Variants in GABRG3 observed in about 807,000 individuals in gnomAD.
The protein encoded by GABRG3 is gamma-aminobutyric acid receptor subunit gamma-3.
GABRG3 carries 25 observed loss-of-function variants against 48.8 expected under a neutral mutation model. The ratio of observed to expected loss-of-function variants is 0.51; its 90% CI spans 0.37 to 0.72. GABRG3 has a LOEUF of 0.72. Among genes scored for constraint, GABRG3 ranks in the 30% least tolerant of loss-of-function variants. GABRG3 has a pLI of 0.00. For missense variants in GABRG3, 394 were observed against 577.9 expected (o/e 0.68, Z 3.26); for synonymous variants, 227 against 217.6 (o/e 1.04, Z -0.38).
At chr15:27,041,984 T>C (rs1172116464) in intron 3 of GABRG3, among the ~76,000 whole-genome samples, 2 of 152,294 alleles carry the variant, frequency 1.3e-5, no homozygotes, top group East Asian at 3.9e-4. Context: ...ACATTCCTGT[T>C]CTACGTGCAA....
chr15:27,078,284 G>A (rs1197342617), intron 3 of GABRG3, among the ~76,000 whole-genome samples: 4 of 151,644 alleles, frequency 2.6e-5, no homozygotes, highest in East Asian at 3.9e-4. Flanking sequence ...TCAGTCAGGT[G>A]CCAGATTTAT....
In GABRG3 at chr15:27,533,745, T is replaced by A. The variant is rs1891485842; in HGVS notation, c.*864T>A. ...TATATTATTATGGGTTCGGTAATTG[T>A]CATTTTGCAAAGAAAGGTATACAGT... On this transcript the variant is annotated 3_prime_UTR_variant, in exon 10 of 10. Transcript: ENST00000615808. The A allele has an allele frequency of 6.6e-6, 1 of 152,232 alleles. No individual in the cohort carries two copies. Among genetic ancestry groups the A allele is most frequent in the Admixed American group, 6.5e-5 (1 of 15,286 alleles). 9.4% of individuals were successfully genotyped at this position (152,232 alleles called of 1,614,324 possible).
chr15:26,982,858 C>T (rs1566899865), intron 2 of GABRG3, among the ~76,000 whole-genome samples: 2 of 152,150 alleles, frequency 1.3e-5, no homozygotes, highest in Non-Finnish European at 2.9e-5. Flanking sequence ...CTTTAACGTT[C>T]CACCATGATC....
At chr15:27,309,104 A>T (rs1035271839) in intron 3 of GABRG3, among the ~76,000 whole-genome samples, 1 of 151,068 alleles carries the variant, frequency 6.6e-6, no homozygotes, top group Admixed American at 6.6e-5. Context: ...GTAAACACAG[A>T]TGTTTATATA....
In GABRG3 at chr15:27,132,471, G is replaced by GGTTTTTT. The variant is rs778222775; in HGVS notation, c.270+105650_270+105651insGTTTTTT. Among the ~76,000 whole-genome samples the GGTTTTTT allele has an allele frequency of 2.7e-3, 108 of 39,586 alleles. 24 individuals carry two copies. The highest frequency in any genetic ancestry group is 4.2e-3 in the Non-Finnish European group (89 of 21,020). The allele number at this position is 39,586 out of a possible 152,430, so 26.0% of individuals were successfully genotyped here. ...TGATTCAATCTTCCCAGTAGTTACA[G>GGTTTTTT]TTTTTTTTTTTTTTTTTTTTTTTTT... On this transcript the variant is annotated intron_variant, in intron 3 of 9. Transcript: ENST00000615808.
intron 3 of GABRG3, among the ~76,000 whole-genome samples, chr15:27,241,596 CTGTT>C (rs1566977050): frequency 6.6e-6 from 1 of 152,222 alleles, no homozygotes; most frequent in Non-Finnish European, 1.5e-5. Flanking sequence ...GTCATTAAGA[CTGTT>C]TGGATGCTGC....
At chr15:27,384,994 T>A (rs1442137162) in intron 5 of GABRG3, among the ~76,000 whole-genome samples, 2 of 152,186 alleles carry the variant, frequency 1.3e-5, no homozygotes, top group Non-Finnish European at 2.9e-5. Flanking sequence ...TACATCTGTG[T>A]AACCACCATC....
intron 6 of GABRG3, among the ~76,000 whole-genome samples, chr15:27,493,199 A>G (rs1016993479): frequency 6.6e-6 from 1 of 152,208 alleles, no homozygotes; most frequent in South Asian, 2.1e-4. Context: ...ATCTTGGTAC[A>G]TATGTTTCCA....
intron 3 of GABRG3, among the ~76,000 whole-genome samples, chr15:27,195,889 C>T (rs971545480): frequency 6.6e-6 from 1 of 152,218 alleles, no homozygotes; most frequent in African/African-American, 2.4e-5. Context: ...CCTGTCTCAG[C>T]CTCCCAAGGT....
rs139424568 is a variant in GABRG3, at chr15:27,347,294, C to T, written c.574+18406C>T. Among the ~76,000 whole-genome samples the T allele has an allele frequency of 5.2e-3, 797 of 152,298 alleles. 6 individuals carry two copies. The highest frequency in any genetic ancestry group is 0.018 in the African/African-American group (755 of 41,554). On this transcript the variant is annotated intron_variant, in intron 5 of 9. Transcript: ENST00000615808. ...CTGTGATGGTTTAGGGTGGAGCCAACGGAGGTTTGTTCTGTAATCTTACAT... is the reference window on the plus strand; with the variant it reads ...CTGTGATGGTTTAGGGTGGAGCCAATGGAGGTTTGTTCTGTAATCTTACAT...
At chr15:27,365,567 A>G (rs12913023) in intron 5 of GABRG3, 29,852 of 152,156 alleles carry the variant, frequency 0.2, 3,370 homozygotes, top group Middle Eastern at 0.29. Flanking sequence ...GGAACACCCC[A>G]GAGGAGAGGT....
chr15:27,128,916 G>A (rs1307189580), intron 3 of GABRG3, among the ~76,000 whole-genome samples: 1 of 152,186 alleles, frequency 6.6e-6, no homozygotes, highest in Non-Finnish European at 1.5e-5. Context: ...GTAATTTACA[G>A]TGATGTGAGA....
At chr15:27,080,024 T>G (rs1896966860) in intron 3 of GABRG3, among the ~76,000 whole-genome samples, 1 of 152,176 alleles carries the variant, frequency 6.6e-6, no homozygotes, top group Non-Finnish European at 1.5e-5. Context: ...AAATGCCAGC[T>G]GATCTGCCAA....
Position 27,466,656 on chromosome 15 carries a change from C to A in GABRG3, c.575-13994C>A, listed in dbSNP as rs530780129. 1.7e-4 allele frequency among the ~76,000 whole-genome samples: 26 copies of A among 152,320 alleles called. No homozygotes were observed. In the South Asian group the frequency reaches 5.4e-3, roughly 32 times the overall value. The stretch of plus-strand genomic sequence containing the variant: ...ACTCTTCTGTAGACAAAAGGCTGTG[C>A]ACAGTGTAATTTTTCTCTGAGGCTG... On this transcript the variant is annotated intron_variant, in intron 5 of 9. Transcript: ENST00000615808.
At chr15:27,458,128 CGCACACACAGT>C (rs1448269463) in intron 5 of GABRG3, among the ~76,000 whole-genome samples, 3 of 152,138 alleles carry the variant, frequency 2.0e-5, no homozygotes, top group Non-Finnish European at 4.4e-5. Flanking sequence ...TGGACACTGG[CGCACACACAGT>C]GCACACACAT....
At chr15:27,020,327 C>T (rs537657371) in intron 2 of GABRG3, among the ~76,000 whole-genome samples, 7 of 152,338 alleles carry the variant, frequency 4.6e-5, no homozygotes, top group South Asian at 2.1e-4. Context: ...GTAAACACCT[C>T]GACCTCTTCC....
intron 5 of GABRG3, among the ~76,000 whole-genome samples, chr15:27,375,948 C>T (rs1895580651): frequency 6.6e-6 from 1 of 152,220 alleles, no homozygotes; most frequent in African/African-American, 2.4e-5. Flanking sequence ...TTCAAAGTCT[C>T]ATCCAAGACA....
intron 3 of GABRG3, among the ~76,000 whole-genome samples, chr15:27,309,121 T>C (rs79996821): frequency 2.7e-5 from 4 of 147,400 alleles, no homozygotes; most frequent in Non-Finnish European, 4.6e-5. Flanking sequence ...TATAGAAACA[T>C]ATAATGTAAA....
intron 5 of GABRG3, among the ~76,000 whole-genome samples, chr15:27,451,224 A>G (rs551124893): frequency 1.3e-3 from 201 of 152,340 alleles, no homozygotes; most frequent in African/African-American, 4.8e-3. Context: ...GATCCCAAAT[A>G]TCCAGAACAA....
Sources: allele counts gnomAD v4.1 joint callset (sites outside exome capture counted in the v4.1 genomes callset), GRCh38; gene constraint gnomAD v4.1.1; transcripts MANE v1.5; gene names NCBI Gene and HGNC (gene_info 2026-07-23, HGNC 2026-07-21).